VPS54: variants seen among roughly 807,000 people sequenced by gnomAD.
VPS54 encodes the protein VPS54 subunit of GARP complex, also known as vacuolar protein sorting-associated protein 54.
A neutral mutation model predicts 121.5 loss-of-function variants in VPS54; 45 were observed. The observed-to-expected ratio is 0.37, with a 90% CI of 0.29 to 0.47. The LOEUF (loss-of-function observed/expected upper bound fraction) is 0.47, where lower values mean the gene tolerates loss of function less well. VPS54 is among the 20% of genes least tolerant of loss of function. The pLI is 0.99. For synonymous variants in VPS54, 371 were observed against 385.8 expected (o/e 0.96, Z 0.45); for missense variants, 1,090 against 1,131.4 (o/e 0.96, Z 0.52).
At chr2:64,008,674 GGGA>G (rs1008576970) in intron 1 of VPS54, among the ~76,000 whole-genome samples, 2 of 152,138 alleles carry the variant, frequency 1.3e-5, no homozygotes, top group African/African-American at 2.4e-5. Context: ...ATGTGTGAGT[GGGA>G]GGAGGAGTGG....
Position 63,910,248 on chromosome 2 carries a change from G to A in VPS54, c.2625+2097C>T, listed in dbSNP as rs553822517. On this transcript the variant is annotated intron_variant, in intron 20 of 22. Coordinates refer to ENST00000272322, the MANE Select transcript of VPS54 (RefSeq NM_016516.3). The stretch of plus-strand genomic sequence containing the variant: ...AAAGAGAGACTTGTTAACACAGGAA[G>A]AATGTAATATGCCAGAGTAATAGGA... Among the ~76,000 whole-genome samples, 16 of 152,272 alleles carry A rather than the reference G, an allele frequency of 1.1e-4. No individual in the cohort carries two copies. In the South Asian group the frequency reaches 3.3e-3, roughly 32 times the overall value.
chr2:63,988,569 G>T (rs13023542), intron 1 of VPS54, among the ~76,000 whole-genome samples: 1 of 151,964 alleles, frequency 6.6e-6, no homozygotes, highest in African/African-American at 2.4e-5. Flanking sequence ...AATTTCTTAC[G>T]CCTGTCTTTA....
At position 63,933,986 on chromosome 2, in the gene VPS54, C is replaced by A; in HGVS notation, c.1426G>T (p.Val476Phe). The part of the protein sequence containing the change: ...KATLNIIHSV[V>F]LSVLDKNQRT... ...TGGTTTTTGTCAAGAACTGAGAGAA[C>A]AACACTGTGAATGATATTTAATGTT... The change falls in exon 12 of 23, where the codon GTT (valine) becomes TTT (phenylalanine). Residue 476 changes from valine (V) to phenylalanine (F), a missense_variant. This residue lies in a region of VPS54 where 801 missense variants were observed against 757.0 expected (regional missense o/e 1.06). Transcript: ENST00000272322. 1 of 1,613,218 alleles carries A rather than the reference C, an allele frequency of 6.2e-7. No individual in the cohort carries two copies. The highest frequency in any genetic ancestry group is 8.5e-7 in the Non-Finnish European group (1 of 1,179,570).
chr2:63,960,789 G>A (rs962272833), intron 7 of VPS54, among the ~76,000 whole-genome samples: 1 of 152,074 alleles, frequency 6.6e-6, no homozygotes, highest in African/African-American at 2.4e-5. Context: ...AAAGGTGAAG[G>A]AAAAATTAAA....
chr2:63,928,755 C>A (rs770234900), intron 12 of VPS54, among the ~76,000 whole-genome samples: 78 of 149,846 alleles, frequency 5.2e-4, no homozygotes, highest in Admixed American at 2.5e-3. Flanking sequence ...GTGCTACATT[C>A]AGGAGACCCA....
chr2:63,972,776 G>A (rs181417393), intron 3 of VPS54, among the ~76,000 whole-genome samples: 1 of 152,096 alleles, frequency 6.6e-6, no homozygotes, highest in Admixed American at 6.5e-5. Context: ...TATTGGGGAG[G>A]CTGAGGCACA....
At chr2:63,926,692 C>T (rs192842524) in intron 12 of VPS54, among the ~76,000 whole-genome samples, 1 of 152,294 alleles carries the variant, frequency 6.6e-6, no homozygotes, top group Non-Finnish European at 1.5e-5. Context: ...CATCGCCTCA[C>T]CTGGGAAGCA....
intron 7 of VPS54, among the ~76,000 whole-genome samples, chr2:63,960,519 G>A (rs977091246): frequency 5.3e-5 from 8 of 152,092 alleles, no homozygotes; most frequent in African/African-American, 1.9e-4. Flanking sequence ...TGAACTTTGA[G>A]GTAAAAATTA....
At chr2:63,955,544 T>C (rs1298130544) in intron 7 of VPS54, among the ~76,000 whole-genome samples, 1 of 152,032 alleles carries the variant, frequency 6.6e-6, no homozygotes, top group East Asian at 1.9e-4. Context: ...TGACCTTAGA[T>C]ATTATTTTAA....
At chr2:63,898,539 A>G (rs1277145046) in intron 21 of VPS54, among the ~76,000 whole-genome samples, 1 of 152,098 alleles carries the variant, frequency 6.6e-6, no homozygotes, top group Middle Eastern at 3.2e-3. Flanking sequence ...GAGGTAGCAT[A>G]GGAAAGGAGA....
At chr2:63,911,552 A>T (rs1673150589) in intron 20 of VPS54, among the ~76,000 whole-genome samples, 1 of 152,206 alleles carries the variant, frequency 6.6e-6, no homozygotes, top group Non-Finnish European at 1.5e-5. Context: ...GACTTGTGAT[A>T]TCATTATTCT....
In VPS54 at chr2:63,920,427, A is replaced by G; in HGVS notation, c.2051+19T>C. The G allele has an allele frequency of 6.8e-7, 1 of 1,461,058 alleles. No individual in the cohort carries two copies. 90.5% of individuals were successfully genotyped at this position (1,461,058 alleles called of 1,614,324 possible). Reference sequence around the variant, plus strand: ...AAAAATGAAAAAATCAAACAACAGAATGGACATGGTGATGATACCTGAGCT... The same window carrying G: ...AAAAATGAAAAAATCAAACAACAGAGTGGACATGGTGATGATACCTGAGCT... On this transcript the variant is annotated intron_variant, in intron 14 of 22. Transcript: ENST00000272322.
intron 20 of VPS54, among the ~76,000 whole-genome samples, chr2:63,904,376 T>C (rs1465043306): frequency 7.3e-6 from 1 of 137,862 alleles, no homozygotes; most frequent in Non-Finnish European, 1.5e-5. Context: ...GAGGCATAGG[T>C]TGCAGTGAGC....
At chr2:64,015,668 G>C (rs753829797) in intron 1 of VPS54, among the ~76,000 whole-genome samples, 1 of 152,124 alleles carries the variant, frequency 6.6e-6, no homozygotes, top group Admixed American at 6.5e-5. Flanking sequence ...AACCGTCCTC[G>C]CAGAGCCATT....
At chr2:63,927,523 C>T (rs1255922339) in intron 12 of VPS54, among the ~76,000 whole-genome samples, 1 of 152,136 alleles carries the variant, frequency 6.6e-6, no homozygotes, top group Non-Finnish European at 1.5e-5. Flanking sequence ...ACATCAAAGA[C>T]CAAAGGTAGG....
intron 11 of VPS54, among the ~76,000 whole-genome samples, chr2:63,938,682 C>A (rs1200457287): frequency 1.3e-5 from 2 of 152,176 alleles, no homozygotes; most frequent in Non-Finnish European, 2.9e-5. Context: ...CCCGGCTGGT[C>A]TCAAATTCCT....
chr2:63,947,594 T>G, intron 8 of VPS54, 104 bp from the exon 9 acceptor site: 4 of 977,614 alleles, frequency 4.1e-6, no homozygotes, highest in Non-Finnish European at 5.6e-6. Flanking sequence ...CTCAGATCTC[T>G]ATCCTGCACA....
intron 7 of VPS54, 21 bp downstream of exon 7, chr2:63,962,037 T>C: frequency 6.7e-7 from 1 of 1,501,478 alleles, no homozygotes. Flanking sequence ...TTATTTCTAG[T>C]GGCTTACTTA....
intron 1 of VPS54, among the ~76,000 whole-genome samples, chr2:64,015,468 G>A (rs901784619): frequency 1.3e-5 from 2 of 151,880 alleles, no homozygotes; most frequent in Non-Finnish European, 2.9e-5. Context: ...AAAACACTAG[G>A]TCCTTACCAG....
Sources: gnomAD v4.1 joint callset for allele counts (sites outside exome capture counted in the v4.1 genomes callset) on GRCh38, gnomAD v4.1.1 for gene constraint, gnomAD v4.1.1 regional missense constraint, MANE v1.5 for transcripts, NCBI Gene and HGNC (gene_info 2026-07-23, HGNC 2026-07-21) for gene names.